CANX: variants seen among roughly 807,000 people sequenced by gnomAD.
CANX encodes calnexin, also known as epididymis secretory sperm binding protein.
In CANX, 14 loss-of-function variants were observed where a neutral mutation model predicts 75.7. The observed-to-expected ratio is 0.19, with a 90% CI of 0.12 to 0.29. The LOEUF (loss-of-function observed/expected upper bound fraction) is 0.29, where lower values mean the gene tolerates loss of function less well. Among genes scored for constraint, CANX ranks in the 10% least tolerant of loss-of-function variants. The pLI, the probability that CANX is intolerant of heterozygous loss-of-function variation, is 1.00. For synonymous variants in CANX, 227 were observed against 236.9 expected (o/e 0.96, Z 0.38); for missense variants, 567 against 713.2 (o/e 0.79, Z 2.34).
At chr5:179,689,781 G>A (rs1581820286) in intron 1 of CANX, among the ~76,000 whole-genome samples, 1 of 151,964 alleles carries the variant, frequency 6.6e-6, no homozygotes, top group Non-Finnish European at 1.5e-5. Flanking sequence ...GAGAGATGAT[G>A]GATAATTCCC....
At chr5:179,709,464 T>G (rs1003866298) in intron 6 of CANX, among the ~76,000 whole-genome samples, 2 of 152,106 alleles carry the variant, frequency 1.3e-5, no homozygotes, top group Admixed American at 1.3e-4. Flanking sequence ...AAAGGCTTCC[T>G]CCCCTGCTGT....
chr5:179,711,776 ACT>A (rs1434766975), intron 7 of CANX, among the ~76,000 whole-genome samples: 3 of 109,486 alleles, frequency 2.7e-5, no homozygotes, highest in Admixed American at 1.1e-4. Context: ...CGACAGGAAG[ACT>A]CTGTCTCAAA....
At position 179,723,023 on chromosome 5, in the gene CANX, C is replaced by T. The variant is rs540735399; in HGVS notation, c.1398+4C>T. On this transcript the variant is annotated splice_donor_region_variant and intron_variant, in intron 11 of 14. Coordinates refer to ENST00000247461, the MANE Select transcript of CANX (RefSeq NM_001746.4). ...AGCTGCTGATGGGGCTGCTGAGGTT[C>T]GTGTTTGCTGCTTGTGCATTTGTGT... 88 of 1,611,440 alleles carry T rather than the reference C, an allele frequency of 5.5e-5. 2 individuals are homozygous for T. In the South Asian group the frequency reaches 9.0e-4, roughly 16 times the overall value.
chr5:179,709,353 G>T (rs1004385408), intron 6 of CANX, among the ~76,000 whole-genome samples: 6 of 151,872 alleles, frequency 4.0e-5, no homozygotes, highest in Admixed American at 6.6e-5. Context: ...GGCGGAACTT[G>T]CAGTGAGCCG....
intron 13 of CANX, among the ~76,000 whole-genome samples, chr5:179,725,538 G>A (rs1281753009): frequency 6.6e-6 from 1 of 151,648 alleles, no homozygotes; most frequent in Non-Finnish European, 1.5e-5. Flanking sequence ...AAATTAGCCG[G>A]GCATGGTGGC....
chr5:179,689,570 A>G (rs911207691), intron 1 of CANX, among the ~76,000 whole-genome samples: 3 of 151,848 alleles, frequency 2.0e-5, no homozygotes, highest in Non-Finnish European at 4.4e-5. Flanking sequence ...TGGTATTTTT[A>G]ATAGAGACAG....
chr5:179,704,680 A>T (rs931742373), intron 1 of CANX, among the ~76,000 whole-genome samples: 1 of 152,080 alleles, frequency 6.6e-6, no homozygotes, highest in Non-Finnish European at 1.5e-5. Flanking sequence ...TACTAAAAGT[A>T]CAAAAATTAG....
intron 7 of CANX, among the ~76,000 whole-genome samples, chr5:179,711,403 C>CA (rs1777542469): frequency 6.6e-6 from 1 of 151,932 alleles, no homozygotes; most frequent in Non-Finnish European, 1.5e-5. Flanking sequence ...GCCTGGGTGA[C>CA]AAAGTGAGAT....
chr5:179,722,914 TG>T lies in CANX; in HGVS notation c.1294del (p.Asp432ThrfsTer15). 6.2e-7 allele frequency: 1 copy of T among 1,614,074 alleles called. No homozygotes were observed. The highest frequency in any genetic ancestry group is 8.5e-7 in the Non-Finnish European group (1 of 1,179,938). On this transcript the variant is annotated frameshift_variant, in exon 11 of 15. Transcript: ENST00000247461. LOFTEE classifies it high-confidence loss of function. ...IGLELWSMTS[D>X]IFFDNFIICA... is the part of the protein sequence containing the mutation. ...GTTTGGAGCTGTGGTCCATGACCTCTGACATTTTTTTTGACAACTTTATCAT... is the reference window on the plus strand; with the variant it reads ...GTTTGGAGCTGTGGTCCATGACCTCTACATTTTTTTTGACAACTTTATCAT...
chr5:179,684,924 GTATTTTTTTTTTTTT>G lies in CANX; in HGVS notation c.-4+6149_-4+6163del, dbSNP rs1416638472. ...TGTGCCACCACACCTGGCTAATTTT[GTATTTTTTTTTTTTT>G]TTTTTTTTTTTTTTTTTACTAGAGA... On this transcript the variant is annotated intron_variant, in intron 1 of 14. Transcript: ENST00000681674. Among the ~76,000 whole-genome samples the G allele has an allele frequency of 2.1e-4, 6 of 29,000 alleles. 1 individual carries two copies. The South Asian group carries it at 4.2e-3, about 20-fold the overall frequency. The allele number at this position is 29,000 out of a possible 152,430, so 19.0% of individuals were successfully genotyped here.
intron 2 of CANX, 137 bp downstream of exon 2, chr5:179,705,989 A>C: frequency 1.5e-6 from 1 of 676,270 alleles, no homozygotes; most frequent in Non-Finnish European, 2.6e-6. Context: ...TTGGCAACAC[A>C]GGGAGATATC....
At chr5:179,717,513 C>A (rs575341282) in intron 8 of CANX, among the ~76,000 whole-genome samples, 1 of 152,094 alleles carries the variant, frequency 6.6e-6, no homozygotes, top group South Asian at 2.1e-4. Flanking sequence ...ACAGTGTTTT[C>A]CAGGTTTATC....
intron 3 of CANX, among the ~76,000 whole-genome samples, chr5:179,706,832 C>T (rs1467209535): frequency 6.6e-6 from 1 of 152,118 alleles, no homozygotes; most frequent in Admixed American, 6.6e-5. Context: ...GTGGTTTTTA[C>T]TTCCACTTCT....
intron 1 of CANX, among the ~76,000 whole-genome samples, chr5:179,684,237 C>T (rs769637002): frequency 1.4e-4 from 22 of 152,006 alleles, no homozygotes; most frequent in Non-Finnish European, 2.4e-4. Context: ...TTAAAAAATT[C>T]GCTTAATTAA....
chr5:179,695,232 GT>G (rs941178838), upstream of CANX, among the ~76,000 whole-genome samples: 20 of 151,732 alleles, frequency 1.3e-4, no homozygotes, highest in African/African-American at 4.6e-4. Flanking sequence ...TGTGTGTGTG[GT>G]TTTTTTTAGT....
chr5:179,726,844 G>A, intron 14 of CANX, 85 bp downstream of exon 14: 1 of 1,001,496 alleles, frequency 1.0e-6, no homozygotes, highest in Non-Finnish European at 1.6e-6. Flanking sequence ...GTAGTTTACA[G>A]TGGCTTATGG....
chr5:179,707,309 G>A (rs556754508), intron 4 of CANX, 119 bp downstream of exon 4: 7 of 686,012 alleles, frequency 1.0e-5, no homozygotes, highest in African/African-American at 1.8e-5. Flanking sequence ...TTCCAGCCAG[G>A]TGCGGTGGCT....
intron 13 of CANX, among the ~76,000 whole-genome samples, chr5:179,726,370 A>G (rs55952102): frequency 0.023 from 3,554 of 152,048 alleles, 75 homozygotes; most frequent in Non-Finnish European, 0.036. Context: ...AGGTCAGGAG[A>G]TCGAGACCAT....
At chr5:179,694,465 G>A (rs1410967941), upstream of CANX, 3 of 714,070 alleles carry the variant, frequency 4.2e-6, no homozygotes, top group African/African-American at 5.3e-5. Context: ...GCCCCCAAAA[G>A]GCCACCATCT....
Sources: allele counts gnomAD v4.1 joint callset (sites outside exome capture counted in the v4.1 genomes callset), GRCh38; gene constraint gnomAD v4.1.1; transcripts MANE v1.5; gene names NCBI Gene and HGNC (gene_info 2026-07-23, HGNC 2026-07-21).